The following MEGF10 variants were observed in gnomAD, a reference collection of about 807,000 sequenced individuals.
MEGF10 encodes the protein multiple EGF like domains 10.
MEGF10 carries 86 observed loss-of-function variants against 147.5 expected under a neutral mutation model. The ratio of observed to expected loss-of-function variants is 0.58; its 90% CI spans 0.49 to 0.70. The LOEUF (loss-of-function observed/expected upper bound fraction) is 0.70. MEGF10 is among the 30% of genes least tolerant of loss of function. The pLI is 0.00. For synonymous variants in MEGF10, 478 were observed against 525.5 expected (o/e 0.91, Z 1.24); for missense variants, 1,329 against 1,487.3 (o/e 0.89, Z 1.75).
At position 127,417,641 on chromosome 5, in the gene MEGF10, T is replaced by C. The variant is rs965118556; in HGVS notation, c.1134T>C (p.Cys378=). ...CPCHLENTHS[C]HPMSGECACK... ...TCCTTTCATCCATGTCTCTCAGCTG[T>C]CACCCCATGTCTGGAGAGTGTGCCT... The change falls in exon 10 of 25, where the codon TGT becomes TGC. Residue 378 remains cysteine, a synonymous_variant. Coordinates refer to ENST00000503335, the MANE Select transcript of MEGF10 (RefSeq NM_001256545.2). 26 of 1,614,040 alleles carry C rather than the reference T, an allele frequency of 1.6e-5. No homozygotes were observed. The highest frequency in any genetic ancestry group is 2.7e-5 in the African/African-American group (2 of 74,932).
In MEGF10 at chr5:127,443,595, A is replaced by G. The variant is rs76566003; in HGVS notation, c.2491+469A>G. Among the ~76,000 whole-genome samples the G allele has an allele frequency of 4.5e-3, 687 of 152,218 alleles. 5 individuals are homozygous for G. The highest frequency in any genetic ancestry group is 0.016 in the African/African-American group (653 of 41,526). ...TTTCCTCATGCCCCTCCCTACTTCT[A>G]CCACCCCTTAAGCCCCAGGTAATCA... On this transcript the variant is annotated intron_variant, in intron 19 of 24. Transcript: ENST00000503335.
intron 18 of MEGF10, among the ~76,000 whole-genome samples, chr5:127,442,204 C>T (rs1421127479): frequency 6.6e-6 from 1 of 152,188 alleles, no homozygotes; most frequent in Non-Finnish European, 1.5e-5. Flanking sequence ...ATTAAAGTGT[C>T]CCTATTTTTG....
chr5:127,339,147 C>T lies in MEGF10; in HGVS notation c.144C>T (p.Tyr48=). The T allele has an allele frequency of 1.2e-6, 2 of 1,611,966 alleles. No individual in the cohort carries two copies. The highest frequency in any genetic ancestry group is 1.7e-6 in the Non-Finnish European group (2 of 1,178,418). The part of the protein sequence containing the change: ...ESYSVTVQES[Y]PHPFDQIYYT... ...ACTCAGTGACTGTGCAAGAGTCATA[C>T]CCACATCCCTTTGATCAAATTTACT... The change falls in exon 3 of 25, where the codon TAC becomes TAT. Residue 48 remains tyrosine (Y), a synonymous_variant. Coordinates refer to ENST00000503335, the MANE Select transcript of MEGF10 (RefSeq NM_001256545.2).
chr5:127,293,135 C>A (rs1327555526), intron 1 of MEGF10, among the ~76,000 whole-genome samples: 1 of 152,100 alleles, frequency 6.6e-6, no homozygotes, highest in Admixed American at 6.5e-5. Context: ...AGTAGAATAA[C>A]CTCCAGTGTT....
chr5:127,253,555 G>T, the MEGF10 span, among the ~76,000 whole-genome samples: 4 of 152,034 alleles, frequency 2.6e-5, no homozygotes, highest in African/African-American at 9.6e-5. Flanking sequence ...TCTCTACATA[G>T]AAAACTGAAG....
At chr5:127,440,142 C>T (rs983248309) in intron 17 of MEGF10, among the ~76,000 whole-genome samples, 1 of 152,186 alleles carries the variant, frequency 6.6e-6, no homozygotes, top group African/African-American at 2.4e-5. Flanking sequence ...ACTCGCCGGT[C>T]TAAGCATTGA....
At chr5:127,334,727 C>T (rs1399775071) in intron 2 of MEGF10, among the ~76,000 whole-genome samples, 1 of 152,010 alleles carries the variant, frequency 6.6e-6, no homozygotes, top group Non-Finnish European at 1.5e-5. Context: ...TGAATTTGAG[C>T]TTTTCCATTC....
At chr5:127,452,674 A>C (rs1047417351) in intron 22 of MEGF10, among the ~76,000 whole-genome samples, 6 of 151,536 alleles carry the variant, frequency 4.0e-5, no homozygotes, top group Non-Finnish European at 8.8e-5. Context: ...TATGGCCCAA[A>C]CCCCCCACCA....
chr5:127,261,513 A>C, the MEGF10 span, among the ~76,000 whole-genome samples: 2 of 152,216 alleles, frequency 1.3e-5, no homozygotes, highest in South Asian at 2.1e-4. Flanking sequence ...TCCATTCATT[A>C]GTTAATAAAC....
chr5:127,397,484 T>C (rs760736174), intron 6 of MEGF10, among the ~76,000 whole-genome samples: 1 of 152,116 alleles, frequency 6.6e-6, no homozygotes, highest in Admixed American at 6.5e-5. Context: ...GAGGCAGAAG[T>C]TGCTAAAAAA....
At chr5:127,353,111 T>C (rs1304489860) in intron 4 of MEGF10, among the ~76,000 whole-genome samples, 1 of 152,184 alleles carries the variant, frequency 6.6e-6, no homozygotes, top group Admixed American at 6.6e-5. Context: ...ATGAGCATTG[T>C]GGATAGAGGA....
chr5:127,430,089 C>A (rs1024086811), intron 13 of MEGF10, among the ~76,000 whole-genome samples: 3 of 152,108 alleles, frequency 2.0e-5, no homozygotes, highest in Non-Finnish European at 4.4e-5. Context: ...AGCCTGCAGT[C>A]CTCTTCCCCC....
the MEGF10 span, among the ~76,000 whole-genome samples, chr5:127,278,952 A>T: frequency 2.6e-5 from 4 of 152,220 alleles, no homozygotes; most frequent in Non-Finnish European, 5.9e-5. Context: ...TCATGAATTT[A>T]GAGTGATGCT....
At chr5:127,246,962 TATA>T in the MEGF10 span, among the ~76,000 whole-genome samples, 6,590 of 112,574 alleles carry the variant, frequency 0.059, 489 homozygotes, top group African/African-American at 0.14. Context: ...ATAAATAATA[TATA>T]ATAATATATG....
chr5:127,392,063 A>C (rs1440967365), intron 5 of MEGF10, among the ~76,000 whole-genome samples: 2 of 152,210 alleles, frequency 1.3e-5, no homozygotes, highest in Non-Finnish European at 2.9e-5. Context: ...AAAATAGATA[A>C]TGCCATTTTC....
chr5:127,387,338 T>G (rs1415860453), intron 5 of MEGF10, among the ~76,000 whole-genome samples: 1 of 152,242 alleles, frequency 6.6e-6, no homozygotes, highest in Non-Finnish European at 1.5e-5. Context: ...CTTTTTCTAA[T>G]GCCTTGTTTT....
intron 4 of MEGF10, among the ~76,000 whole-genome samples, chr5:127,364,962 C>G (rs988760294): frequency 3.9e-5 from 6 of 152,150 alleles, no homozygotes; most frequent in African/African-American, 1.4e-4. Context: ...GGAAATTACC[C>G]ATTTTCCTGA....
intron 5 of MEGF10, among the ~76,000 whole-genome samples, chr5:127,378,824 A>C (rs1763134928): frequency 6.7e-6 from 1 of 150,298 alleles, no homozygotes; most frequent in Non-Finnish European, 1.5e-5. Context: ...CAGACAGAAG[A>C]CCTAGTAAAG....
At chr5:127,274,118 A>G in the MEGF10 span, among the ~76,000 whole-genome samples, 1 of 152,176 alleles carries the variant, frequency 6.6e-6, no homozygotes, top group South Asian at 2.1e-4. Context: ...TGAAAAAACA[A>G]TCAGCCCAGA....
Sources: gnomAD v4.1 joint callset for allele counts (sites outside exome capture counted in the v4.1 genomes callset) on GRCh38, gnomAD v4.1.1 for gene constraint, MANE v1.5 for transcripts, NCBI Gene and HGNC (gene_info 2026-07-23, HGNC 2026-07-21) for gene names.